The following GNE variants were observed in gnomAD, a reference collection of about 807,000 sequenced individuals.
GNE encodes the protein glucosamine (UDP-N-acetyl)-2-epimerase/N-acetylmannosamine kinase.
Under a neutral mutation model 61.8 loss-of-function variants are expected in GNE, and 41 were observed. The observed-to-expected ratio is 0.66, with a 90% CI of 0.52 to 0.86. GNE has a LOEUF of 0.86. Among genes scored for constraint, GNE ranks in the 40% least tolerant of loss-of-function variants. GNE has a pLI of 0.00. For missense variants in GNE, 608 were observed against 909.1 expected (o/e 0.67, Z 4.26); for synonymous variants, 264 against 326.4 (o/e 0.81, Z 2.06).
In GNE at chr9:36,245,887, A is replaced by G. The variant is rs371813681; in HGVS notation, c.616+144T>C. 1.4e-3 allele frequency: 946 copies of G among 652,918 alleles called. 19 individuals carry two copies. In the South Asian group the frequency reaches 0.017, roughly 12 times the overall value. The allele number at this position is 652,918 out of a possible 1,614,324, so 40.4% of individuals were successfully genotyped here. A position where few individuals can be genotyped will look rare whatever the true frequency, so the allele number is the denominator to read the frequency against. Reference sequence around the variant, plus strand: ...CCTCAGAGAGGTAAAGTCATACCACAGGGCAAGGTCTATGAACTAAAACCT... The same window carrying G: ...CCTCAGAGAGGTAAAGTCATACCACGGGGCAAGGTCTATGAACTAAAACCT... On this transcript the variant is annotated intron_variant, in intron 3 of 11. Coordinates refer to ENST00000642385, the MANE Select transcript of GNE (RefSeq NM_005476.7).
At chr9:36,249,782 G>A (rs1830046365) in intron 1 of GNE, among the ~76,000 whole-genome samples, 1 of 151,972 alleles carries the variant, frequency 6.6e-6, no homozygotes, top group Non-Finnish European at 1.5e-5. Context: ...TACTCGGGAG[G>A]TTGAGGCAGA....
chr9:36,254,065 C>A (rs1282089583), intron 1 of GNE, among the ~76,000 whole-genome samples: 1 of 151,862 alleles, frequency 6.6e-6, no homozygotes, highest in African/African-American at 2.4e-5. Flanking sequence ...ATTAGCCAGG[C>A]ATGGTAGCGC....
chr9:36,236,737 TAAGATGAGC>T, intron 4 of GNE, 86 bp downstream of exon 4: 1 of 1,075,170 alleles, frequency 9.3e-7, no homozygotes, highest in Non-Finnish European at 1.4e-6. Context: ...CCTTCAATGA[TAAGATGAGC>T]AAGATAGGAA....
chr9:36,237,890 A>G lies in GNE; in HGVS notation c.617-906T>C, dbSNP rs375744133. 1.5e-3 allele frequency among the ~76,000 whole-genome samples: 235 copies of G among 151,788 alleles called. 1 individual carries two copies. Among genetic ancestry groups the G allele is most frequent in the African/African-American group, 5.5e-3 (228 of 41,352 alleles). ...TGCATCCTCATAGCTTAGCTTCCAC[A>G]TATCAGTGAGAGCATACAATGTTTG... On this transcript the variant is annotated intron_variant, in intron 3 of 11. Coordinates refer to ENST00000642385, the MANE Select transcript of GNE (RefSeq NM_005476.7).
chr9:36,267,367 G>C (rs182213780), intron 1 of GNE, among the ~76,000 whole-genome samples: 1 of 152,172 alleles, frequency 6.6e-6, no homozygotes, highest in Non-Finnish European at 1.5e-5. Flanking sequence ...TAATGACTTT[G>C]TTTTTGTGAA....
intron 1 of GNE, among the ~76,000 whole-genome samples, chr9:36,250,546 A>T (rs1374396834): frequency 6.6e-6 from 1 of 152,140 alleles, no homozygotes; most frequent in African/African-American, 2.4e-5. Context: ...AATGCTGTCA[A>T]TTCCACCCCC....
Position 36,215,252 on chromosome 9 carries a change from G to C in GNE, c.*2113C>G, listed in dbSNP as rs1309108258. On this transcript the variant is annotated 3_prime_UTR_variant, in exon 12 of 12. Coordinates refer to ENST00000642385, the MANE Select transcript of GNE (RefSeq NM_005476.7). ...GAGGCAGGAGAATCACTTGAACTTG[G>C]GGGGCAGAGGTTGCATTGAGCCACT... is the stretch of plus-strand genomic sequence containing the variant. 2 of 152,178 alleles carry C rather than the reference G, an allele frequency of 1.3e-5. No individual in the cohort carries two copies. The highest frequency in any genetic ancestry group is 2.1e-4 in the South Asian group (1 of 4,834). The allele number at this position is 152,178 out of a possible 1,614,324, so 9.4% of individuals were successfully genotyped here.
upstream of GNE, among the ~76,000 whole-genome samples, chr9:36,262,729 C>T (rs1830650865): frequency 6.6e-6 from 1 of 152,218 alleles, no homozygotes; most frequent in Non-Finnish European, 1.5e-5. Context: ...CTAACCTTCT[C>T]ATCAGAGTGG....
In GNE at chr9:36,218,209, G is replaced by A. The variant is rs756488394; in HGVS notation, c.1907C>T (p.Ala636Val). ...HLIQAAKLGN[A>V]KAQSILRTAG... is the part of the protein sequence containing the mutation. ...TGTTCTTAGGATGCTCTGGGCCTTC[G>A]CATTGCCAAGTTTCGCAGCTTGGAT... The change falls in exon 11 of 12, where the codon GCG becomes GTG. Residue 636 changes from alanine to valine, a missense_variant. Transcript: ENST00000642385. The surrounding 1 kb of genome is among the most constrained non-coding windows in gnomAD (Gnocchi z 4.1). 3.9e-5 allele frequency: 63 copies of A among 1,613,342 alleles called. No homozygotes were observed. Among genetic ancestry groups the A allele is most frequent in the Non-Finnish European group, 5.0e-5 (59 of 1,179,330 alleles).
rs1563946610 is a variant in GNE, at chr9:36,246,190, G to GT, written c.456dup (p.Leu153ThrfsTer21). 1.2e-6 allele frequency: 2 copies of GT among 1,614,224 alleles called. No individual in the cohort carries two copies. Among genetic ancestry groups the GT allele is most frequent in the Non-Finnish European group, 1.7e-6 (2 of 1,180,038 alleles). The stretch of plus-strand genomic sequence containing the variant: ...GTGCAGCACACATGATAATGAGCCA[G>GT]TTTTGTTATGGCATGTCTGATAGAG... On this transcript the variant is annotated frameshift_variant, in exon 3 of 12. Transcript: ENST00000642385. LOFTEE classifies it high-confidence loss of function.
intron 5 of GNE, among the ~76,000 whole-genome samples, chr9:36,233,486 GA>G (rs1458750639): frequency 6.6e-6 from 1 of 152,116 alleles, no homozygotes; most frequent in African/African-American, 2.4e-5. Flanking sequence ...CTAACAAAGT[GA>G]AACCCCGTCT....
upstream of GNE, among the ~76,000 whole-genome samples, chr9:36,260,887 A>C (rs61072210): frequency 3.5e-3 from 374 of 105,740 alleles, 3 homozygotes; most frequent in African/African-American, 0.01. Context: ...AAAAAAAAAA[A>C]AAAAAAAAAA....
Position 36,227,385 on chromosome 9 carries a change from G to GCTCTTGAAGATCGAT in GNE, c.1129_1143dup (p.Ile377_Glu381dup). On this transcript the variant is annotated inframe_insertion, in exon 7 of 12. Transcript: ENST00000642385. ...GGAAAGCAGAATTTCTTTTGCAGTG[G>GCTCTTGAAGATCGAT]CTCTTGAAGATCGATAGATTTGAGA... The GCTCTTGAAGATCGAT allele has an allele frequency of 6.2e-7, 1 of 1,611,706 alleles. No individual in the cohort carries two copies. Among genetic ancestry groups the GCTCTTGAAGATCGAT allele is most frequent in the Non-Finnish European group, 8.5e-7 (1 of 1,177,770 alleles).
chr9:36,254,819 G>A (rs926769999), intron 1 of GNE, among the ~76,000 whole-genome samples: 1 of 152,040 alleles, frequency 6.6e-6, no homozygotes, highest in East Asian at 1.9e-4. Context: ...AGGCATGGTG[G>A]CAGGCGCCTG....
chr9:36,229,088 G>A lies in GNE; in HGVS notation c.1003C>T (p.Arg335Trp), dbSNP rs150132839. Residue 335 changes from arginine to tryptophan, a missense_variant, in exon 6 of 12, where the codon CGG (arginine) becomes TGG (tryptophan). Physicochemically the swap from Arg to Trp is moderately radical, Grantham distance 101. Coordinates refer to ENST00000642385, the MANE Select transcript of GNE (RefSeq NM_005476.7). ...RETGENVLHV[R>W]DADTQDKILQ... ...ATTTTGTCTTGGGTGTCAGCATCCC[G>A]GACATGAAGAACATTCTCCCCTAGG... 17 of 1,606,534 alleles carry A rather than the reference G, an allele frequency of 1.1e-5. No homozygotes were observed. The highest frequency in any genetic ancestry group is 4.5e-5 in the East Asian group (2 of 44,830).
intron 6 of GNE, among the ~76,000 whole-genome samples, chr9:36,228,051 A>AACAAC (rs1491433483): frequency 6.7e-6 from 1 of 149,400 alleles, no homozygotes; most frequent in African/African-American, 2.5e-5. Flanking sequence ...AAAAAAAAAA[A>AACAAC]CAACCAACAA....
At chr9:36,256,963 T>C (rs1830379088) in intron 1 of GNE, among the ~76,000 whole-genome samples, 1 of 152,116 alleles carries the variant, frequency 6.6e-6, no homozygotes, top group Admixed American at 6.5e-5. Flanking sequence ...CCCCAGCACT[T>C]TGGGAAGCCG....
At position 36,246,344 on chromosome 9, in the gene GNE, GC is replaced by G; in HGVS notation, c.302del (p.Arg101ProfsTer2). On this transcript the variant is annotated frameshift_variant, in exon 3 of 12. Transcript: ENST00000642385. LOFTEE classifies it high-confidence loss of function. The part of the protein sequence containing the change: ...ALVKLPDVLN[R>X]LKPDIMIVHG... ...GAACAATCATGATATCAGGCTTCAG[GC>G]GATTAAGGACATCTGGCAGCTTCAC... is the stretch of plus-strand genomic sequence containing the variant. 6.2e-7 allele frequency: 1 copy of G among 1,614,088 alleles called. No individual in the cohort carries two copies. The highest frequency in any genetic ancestry group is 8.5e-7 in the Non-Finnish European group (1 of 1,179,958).
intron 4 of GNE, among the ~76,000 whole-genome samples, chr9:36,234,586 T>C (rs564493758): frequency 1.3e-5 from 2 of 152,318 alleles, no homozygotes; most frequent in South Asian, 2.1e-4. Context: ...CCCATTTATA[T>C]GAACTAAACT....
Sources: allele counts gnomAD v4.1 joint callset (sites outside exome capture counted in the v4.1 genomes callset), GRCh38; gene constraint gnomAD v4.1.1; non-coding constraint Gnocchi (gnomAD v3.1); transcripts MANE v1.5; gene names NCBI Gene and HGNC (gene_info 2026-07-23, HGNC 2026-07-21).